Variants in GPC6 observed in about 807,000 individuals in gnomAD.
GPC6 encodes glypican-6.
GPC6 carries 14 observed loss-of-function variants against 55.2 expected under a neutral mutation model. That is an observed-to-expected ratio of 0.25 (90% CI 0.17 to 0.40). The LOEUF (loss-of-function observed/expected upper bound fraction) is 0.40, where lower values mean the gene tolerates loss of function less well. GPC6 is among the 10% of genes least tolerant of loss of function. GPC6 has a pLI of 1.00. For missense variants in GPC6, 641 were observed against 708.5 expected (o/e 0.90, Z 1.08); for synonymous variants, 278 against 259.6 (o/e 1.07, Z -0.68).
chr13:94,339,751 C>CTTTTTTTTTTTTTTTTTTTTTTT lies in GPC6; in HGVS notation c.1152+33635_1152+33657dup, dbSNP rs56074677. Among the ~76,000 whole-genome samples the CTTTTTTTTTTTTTTTTTTTTTTT allele has an allele frequency of 6.3e-5, 4 of 63,794 alleles. 1 individual carries two copies. Among genetic ancestry groups the CTTTTTTTTTTTTTTTTTTTTTTT allele is most frequent in the African/African-American group, 2.1e-4 (3 of 14,622 alleles). 41.9% of individuals were successfully genotyped at this position (63,794 alleles called of 152,430 possible). On this transcript the variant is annotated intron_variant, in intron 6 of 8. Transcript: ENST00000377047. ...TTAAGTCTGCAACCTGCATACTTTC[C>CTTTTTTTTTTTTTTTTTTTTTTT]TTTTTTTTTTTTTTTTTTTTTTTTT...
intron 6 of GPC6, among the ~76,000 whole-genome samples, chr13:94,317,724 GT>G (rs1181965762): frequency 6.6e-6 from 1 of 152,098 alleles, no homozygotes; most frequent in Non-Finnish European, 1.5e-5. Context: ...ATTTTTTAAA[GT>G]TTCCTTTCTC....
At chr13:93,424,661 A>G (rs774194556) in intron 1 of GPC6, among the ~76,000 whole-genome samples, 1 of 152,136 alleles carries the variant, frequency 6.6e-6, no homozygotes, top group Admixed American at 6.6e-5. Context: ...TTAAAAATAC[A>G]TGTAATACTG....
chr13:93,984,178 T>C (rs896234447), intron 3 of GPC6, among the ~76,000 whole-genome samples: 8 of 152,094 alleles, frequency 5.3e-5, no homozygotes, highest in Admixed American at 3.9e-4. Flanking sequence ...CCTGTTTTGA[T>C]TCAGTAGCTC....
At chr13:93,326,537 G>T (rs1462865653) in intron 1 of GPC6, among the ~76,000 whole-genome samples, 3 of 152,164 alleles carry the variant, frequency 2.0e-5, no homozygotes, top group Non-Finnish European at 4.4e-5. Context: ...TTTACAGATT[G>T]GGGAGTAGCT....
Position 93,456,204 on chromosome 13 carries a change from GC to G in GPC6, c.161-89058del, listed in dbSNP as rs1316689867. ...TTGCAAACATATTGGATCCTCTAAA[GC>G]TTAAAAGCTTCAGCATTCATAATTA... On this transcript the variant is annotated intron_variant, in intron 1 of 8. Coordinates refer to ENST00000377047, the MANE Select transcript of GPC6 (RefSeq NM_005708.5). Among the ~76,000 whole-genome samples, 16 of 119,046 alleles carry G rather than the reference GC, an allele frequency of 1.3e-4. No individual in the cohort carries two copies. In the South Asian group the frequency reaches 2.0e-3, roughly 15 times the overall value. The allele number at this position is 119,046 out of a possible 152,430, so 78.1% of individuals were successfully genotyped here.
chr13:93,368,129 A>G (rs556018584), intron 1 of GPC6, among the ~76,000 whole-genome samples: 3 of 152,178 alleles, frequency 2.0e-5, no homozygotes, highest in African/African-American at 7.2e-5. Context: ...AAACACCTCT[A>G]TGATTGCTTT....
At chr13:93,455,160 C>T (rs1039450168) in intron 1 of GPC6, among the ~76,000 whole-genome samples, 20 of 152,188 alleles carry the variant, frequency 1.3e-4, no homozygotes, top group African/African-American at 4.1e-4. Flanking sequence ...TTCCCGCTTG[C>T]GCCTCTCCCT....
chr13:93,765,753 C>T (rs927033034), intron 2 of GPC6, among the ~76,000 whole-genome samples: 3 of 152,188 alleles, frequency 2.0e-5, no homozygotes, highest in African/African-American at 7.2e-5. Flanking sequence ...CTAGTGCTGA[C>T]CTCTTAAAAG....
chr13:93,960,799 GA>G (rs1879731878), intron 3 of GPC6, among the ~76,000 whole-genome samples: 1 of 141,012 alleles, frequency 7.1e-6, no homozygotes, highest in African/African-American at 2.8e-5. Context: ...TTTATTGCTG[GA>G]ATTTTTTTTT....
At position 93,318,800 on chromosome 13, in the gene GPC6, T is replaced by A. The variant is rs1416835757; in HGVS notation, c.160+91184T>A. ...GAAATACGGGGCTGAAACAAGGAAG[T>A]TTGTTCAAAGTCTAAGTAGGGTATG... On this transcript the variant is annotated intron_variant, in intron 1 of 8. Transcript: ENST00000377047. Among the ~76,000 whole-genome samples, 4 of 152,134 alleles carry A rather than the reference T, an allele frequency of 2.6e-5. No homozygotes were observed. In the East Asian group the frequency reaches 7.7e-4, roughly 29 times the overall value.
chr13:93,844,471 C>A (rs900045935), intron 3 of GPC6, among the ~76,000 whole-genome samples: 9 of 152,014 alleles, frequency 5.9e-5, no homozygotes, highest in South Asian at 4.1e-4. Context: ...TGAAAGTAAA[C>A]CCCACTTTTT....
chr13:93,935,251 C>T (rs970938390), intron 3 of GPC6, among the ~76,000 whole-genome samples: 2 of 152,068 alleles, frequency 1.3e-5, no homozygotes, highest in African/African-American at 4.8e-5. Flanking sequence ...ATTTTTCAAC[C>T]CTTGGCCCCC....
chr13:93,231,332 T>TATATAC (rs1555336112), intron 1 of GPC6, among the ~76,000 whole-genome samples: 1 of 32,088 alleles, frequency 3.1e-5, no homozygotes, highest in Non-Finnish European at 5.1e-5. Context: ...TATATATACG[T>TATATAC]ATATATATAT....
intron 2 of GPC6, among the ~76,000 whole-genome samples, chr13:93,643,943 G>A (rs1414276316): frequency 1.3e-5 from 2 of 151,896 alleles, no homozygotes. Context: ...CATTTTTCCT[G>A]CTCTCAGTGG....
chr13:94,272,812 A>G (rs963328159), intron 4 of GPC6, among the ~76,000 whole-genome samples: 4 of 151,946 alleles, frequency 2.6e-5, no homozygotes, highest in African/African-American at 9.7e-5. Flanking sequence ...GTAGAGAAGG[A>G]GGCAGCGTGA....
intron 1 of GPC6, among the ~76,000 whole-genome samples, chr13:93,459,831 A>G (rs1878614151): frequency 6.6e-6 from 1 of 152,210 alleles, no homozygotes; most frequent in South Asian, 2.1e-4. Context: ...TTTTAATAAG[A>G]TATCAACACA....
chr13:93,654,227 G>A (rs551078030), intron 2 of GPC6, among the ~76,000 whole-genome samples: 1 of 151,930 alleles, frequency 6.6e-6, no homozygotes, highest in East Asian at 1.9e-4. Flanking sequence ...ATTAGTTTTT[G>A]CACTTTAAGT....
At chr13:93,766,179 A>C (rs548229338) in intron 2 of GPC6, among the ~76,000 whole-genome samples, 3 of 152,312 alleles carry the variant, frequency 2.0e-5, no homozygotes, top group Admixed American at 1.3e-4. Flanking sequence ...AATTTTCAGA[A>C]GTTATTCAGC....
chr13:93,949,458 A>T (rs1879156880), intron 3 of GPC6, among the ~76,000 whole-genome samples: 1 of 152,236 alleles, frequency 6.6e-6, no homozygotes. Flanking sequence ...TTCAAGTGGC[A>T]TAAAATCTGA....
Sources: allele counts gnomAD v4.1 joint callset (sites outside exome capture counted in the v4.1 genomes callset), GRCh38; gene constraint gnomAD v4.1.1; transcripts MANE v1.5; gene names NCBI Gene and HGNC (gene_info 2026-07-23, HGNC 2026-07-21).